NT5DC3: variants seen among roughly 807,000 people sequenced by gnomAD.
NT5DC3 encodes the protein 5'-nucleotidase domain containing 3.
Under a neutral mutation model 67.8 loss-of-function variants are expected in NT5DC3, and 42 were observed. The ratio of observed to expected loss-of-function variants is 0.62; its 90% CI spans 0.48 to 0.80. The LOEUF (loss-of-function observed/expected upper bound fraction) is 0.80, where lower values mean the gene tolerates loss of function less well. Among genes scored for constraint, NT5DC3 ranks in the 30% least tolerant of loss-of-function variants. The pLI is 0.00. For missense variants in NT5DC3, 570 were observed against 696.4 expected (o/e 0.82, Z 2.04); for synonymous variants, 237 against 255.6 (o/e 0.93, Z 0.69).
At chr12:103,791,724 T>TGG (rs1365529520) in intron 9 of NT5DC3, among the ~76,000 whole-genome samples, 1 of 152,110 alleles carries the variant, frequency 6.6e-6, no homozygotes, top group Non-Finnish European at 1.5e-5. Flanking sequence ...GAGCGTCCAG[T>TGG]GGGTGAGAGA....
At chr12:103,831,770 C>CT (rs568035358) in intron 1 of NT5DC3, among the ~76,000 whole-genome samples, 1,119 of 109,556 alleles carry the variant, frequency 0.01, 16 homozygotes, top group East Asian at 0.017. Flanking sequence ...TCAGCATCCT[C>CT]TTTTTTTTTT....
chr12:103,760,287 C>G, the NT5DC3 span, among the ~76,000 whole-genome samples: 2 of 152,094 alleles, frequency 1.3e-5, no homozygotes, highest in Admixed American at 1.3e-4. Context: ...TTTAGACAGT[C>G]TCTCGCTCTG....
intron 1 of NT5DC3, among the ~76,000 whole-genome samples, chr12:103,832,323 G>A (rs575708658): frequency 2.0e-5 from 3 of 152,106 alleles, no homozygotes; most frequent in African/African-American, 4.8e-5. Context: ...AACCCGGCCT[G>A]TAAAAATATA....
Position 103,778,007 on chromosome 12 carries a change from A to G in NT5DC3, c.1469T>C (p.Leu490Pro). The G allele has an allele frequency of 1.2e-6, 2 of 1,614,258 alleles. No individual in the cohort carries two copies. The highest frequency in any genetic ancestry group is 1.7e-6 in the Non-Finnish European group (2 of 1,180,040). Residue 490 changes from leucine to proline, a missense_variant, in exon 14 of 14, where the codon CTA (leucine) becomes CCA (proline). Transcript: ENST00000392876. ...GTCAGCGAAGCGCGACAGGCGCCTTAGGAAGTAGGTTGGGTTCTGGTCTGT... is the reference window on the plus strand; with the variant it reads ...GTCAGCGAAGCGCGACAGGCGCCTTGGGAAGTAGGTTGGGTTCTGGTCTGT... ...FRTDQNPTYF[L>P]RRLSRFADIY... is the part of the protein sequence containing the mutation.
chr12:103,787,585 C>A, intron 10 of NT5DC3, 58 bp from the exon 11 acceptor site: 2 of 976,802 alleles, frequency 2.0e-6, no homozygotes, highest in Non-Finnish European at 1.5e-6. Context: ...GTCTAACCCA[C>A]AGTACAAAAT....
At chr12:103,778,286 T>C (rs930911285) in intron 13 of NT5DC3, among the ~76,000 whole-genome samples, 3 of 151,808 alleles carry the variant, frequency 2.0e-5, no homozygotes, top group Admixed American at 1.3e-4. Context: ...ATCCCAGCAC[T>C]TGGGGAGGCC....
At chr12:103,788,284 T>A (rs1274375781) in intron 10 of NT5DC3, among the ~76,000 whole-genome samples, 2 of 152,108 alleles carry the variant, frequency 1.3e-5, no homozygotes, top group Non-Finnish European at 2.9e-5. Context: ...CTACAAAAAA[T>A]AAAAATTAAA....
intron 1 of NT5DC3, among the ~76,000 whole-genome samples, chr12:103,836,792 C>T (rs889189543): frequency 6.6e-6 from 1 of 152,144 alleles, no homozygotes; most frequent in African/African-American, 2.4e-5. Flanking sequence ...GCTCCTGTGG[C>T]TTTGCAGGGT....
chr12:103,750,819 G>A, the NT5DC3 span: 1 of 1,433,760 alleles, frequency 7.0e-7, no homozygotes, highest in Non-Finnish European at 9.2e-7. Context: ...GGCCAAGCCT[G>A]GTGGCTCAAG....
intron 9 of NT5DC3, among the ~76,000 whole-genome samples, chr12:103,791,666 C>CA (rs1886068329): frequency 6.6e-6 from 1 of 152,170 alleles, no homozygotes. Flanking sequence ...GACCACAGAC[C>CA]AAAACCAGTC....
At chr12:103,766,218 A>G (rs766937790), downstream of NT5DC3, 12 of 1,599,480 alleles carry the variant, frequency 7.5e-6, no homozygotes, top group Non-Finnish European at 4.3e-6. Context: ...ACCAGTGGCC[A>G]CCAGAAAGAT....
At chr12:103,755,308 TAC>T in the NT5DC3 span, 4 of 1,613,888 alleles carry the variant, frequency 2.5e-6, no homozygotes, top group Admixed American at 3.3e-5. Flanking sequence ...GCAGGCCAAG[TAC>T]CACCTGTGCT....
chr12:103,769,729 C>T (rs935570910), downstream of NT5DC3, among the ~76,000 whole-genome samples: 21 of 152,234 alleles, frequency 1.4e-4, no homozygotes, highest in African/African-American at 4.8e-4. Flanking sequence ...ATGGACTGAG[C>T]CTCTACCCAA....
At position 103,777,946 on chromosome 12, in the gene NT5DC3, A is replaced by G. The variant is rs143557037; in HGVS notation, c.1530T>C (p.Tyr510=). The G allele has an allele frequency of 4.5e-3, 7,285 of 1,614,218 alleles. 25 individuals carry two copies. Among genetic ancestry groups the G allele is most frequent in the Non-Finnish European group, 5.7e-3 (6,741 of 1,180,030 alleles). Residue 510 remains tyrosine (Y), a synonymous_variant, in exon 14 of 14, where the codon TAT becomes TAC. Coordinates refer to ENST00000392876, the MANE Select transcript of NT5DC3 (RefSeq NM_001031701.3). ...GGGGGTAGAAAGTGTGGCTGACGTC[A>G]TAGTTCAGGAGGCAGCTCAGAGACG... ...YMASLSCLLN[Y]DVSHTFYPRR... is the part of the protein sequence containing the mutation.
chr12:103,757,499 G>T, the NT5DC3 span, among the ~76,000 whole-genome samples: 5 of 152,250 alleles, frequency 3.3e-5, no homozygotes, highest in Non-Finnish European at 7.3e-5. Flanking sequence ...GAAGATGATA[G>T]ATCCAGATCC....
downstream of NT5DC3, among the ~76,000 whole-genome samples, chr12:103,768,143 G>A (rs566862489): frequency 5.3e-4 from 77 of 145,504 alleles, no homozygotes; most frequent in Non-Finnish European, 1.0e-3. Context: ...CCATTAAAAA[G>A]TTTGAAAATG....
At chr12:103,794,313 C>T (rs9705861) in intron 6 of NT5DC3, among the ~76,000 whole-genome samples, 2 of 99,566 alleles carry the variant, frequency 2.0e-5, no homozygotes, top group Admixed American at 2.3e-4. Flanking sequence ...GCACATCAGG[C>T]TAATTTTTGT....
At chr12:103,764,587 CT>C in the NT5DC3 span, among the ~76,000 whole-genome samples, 1 of 152,090 alleles carries the variant, frequency 6.6e-6, no homozygotes, top group Non-Finnish European at 1.5e-5. Context: ...CTTAATTTTT[CT>C]TTTTATAAAA....
chr12:103,813,883 A>T (rs1887138097), intron 2 of NT5DC3, among the ~76,000 whole-genome samples: 1 of 152,220 alleles, frequency 6.6e-6, no homozygotes, highest in South Asian at 2.1e-4. Context: ...ATAAAATAGT[A>T]GTTTGCATAA....
Sources: allele counts gnomAD v4.1 joint callset (sites outside exome capture counted in the v4.1 genomes callset), GRCh38; gene constraint gnomAD v4.1.1; transcripts MANE v1.5; gene names NCBI Gene and HGNC (gene_info 2026-07-23, HGNC 2026-07-21).